Variants in RIMS2 observed in about 807,000 individuals in gnomAD.
The protein encoded by RIMS2 is regulating synaptic membrane exocytosis protein 2.
Under a neutral mutation model 174.4 loss-of-function variants are expected in RIMS2, and 59 were observed. That is an observed-to-expected ratio of 0.34 (90% CI 0.27 to 0.42). The LOEUF (loss-of-function observed/expected upper bound fraction) is 0.42. Ranked by LOEUF, RIMS2 falls within the 10% of genes least tolerant of loss-of-function variation. The probability of loss-of-function intolerance (pLI) is 1.00; values close to 1 mark genes in which losing one functional copy is unlikely to be tolerated. For missense variants in RIMS2, 1,620 were observed against 1,666.3 expected, an observed-to-expected ratio of 0.97 and a Z score of 0.48; for synonymous variants, 606 against 572.5, an observed-to-expected ratio of 1.06 and a Z score of -0.84.
At chr8:103,954,780 C>G (rs796422485) in intron 14 of RIMS2, among the ~76,000 whole-genome samples, 1 of 151,714 alleles carries the variant, frequency 6.6e-6, no homozygotes, top group African/African-American at 2.4e-5. Context: ...GACAGAGACA[C>G]GAAAAAACAT....
intron 1 of RIMS2, among the ~76,000 whole-genome samples, chr8:103,514,220 A>G (rs1397094563): frequency 6.6e-6 from 1 of 152,232 alleles, no homozygotes; most frequent in East Asian, 1.9e-4. Context: ...CAAAGGCTAG[A>G]AAAAGTGTAA....
chr8:104,233,096 A>G (rs948849791), intron 19 of RIMS2, among the ~76,000 whole-genome samples: 2 of 152,188 alleles, frequency 1.3e-5, no homozygotes, highest in African/African-American at 2.4e-5. Flanking sequence ...GGGGAAATCT[A>G]TAGAAGAAAT....
At chr8:104,007,935 G>A (rs1026721401) in intron 17 of RIMS2, among the ~76,000 whole-genome samples, 1 of 152,040 alleles carries the variant, frequency 6.6e-6, no homozygotes, top group African/African-American at 2.4e-5. Context: ...GCATATGAGG[G>A]ATTTGTATTA....
At chr8:103,979,987 C>T (rs2093756508) in intron 16 of RIMS2, among the ~76,000 whole-genome samples, 2 of 152,042 alleles carry the variant, frequency 1.3e-5, no homozygotes, top group Admixed American at 1.3e-4. Flanking sequence ...CTCTGGAGTC[C>T]TAGGTAAACT....
At chr8:103,748,388 G>A (rs1202027009) in intron 2 of RIMS2, among the ~76,000 whole-genome samples, 1 of 151,988 alleles carries the variant, frequency 6.6e-6, no homozygotes, top group Non-Finnish European at 1.5e-5. Context: ...GCGGCTGCAC[G>A]AGCCGTGATC....
At chr8:103,816,941 C>A (rs2154469973) in intron 3 of RIMS2, among the ~76,000 whole-genome samples, 1 of 152,194 alleles carries the variant, frequency 6.6e-6, no homozygotes. Context: ...AGTATAATCA[C>A]CTTCTTACTT....
chr8:104,218,886 A>T (rs2099143122), intron 19 of RIMS2, among the ~76,000 whole-genome samples: 1 of 152,162 alleles, frequency 6.6e-6, no homozygotes, highest in East Asian at 1.9e-4. Context: ...TAGCATAGAA[A>T]AGGGCAGGCT....
intron 3 of RIMS2, among the ~76,000 whole-genome samples, chr8:103,827,926 GA>G (rs1187429409): frequency 6.6e-6 from 1 of 151,528 alleles, no homozygotes; most frequent in Non-Finnish European, 1.5e-5. Context: ...TGCATTTTGT[GA>G]AGTGCTTTTT....
chr8:104,180,361 G>GT (rs796317618), intron 19 of RIMS2, among the ~76,000 whole-genome samples: 2,851 of 139,694 alleles, frequency 0.02, 59 homozygotes, highest in African/African-American at 0.059. Flanking sequence ...TCTTAGTGAG[G>GT]TTTTTTTTTT....
At chr8:103,941,100 G>T (rs1043005168) in intron 13 of RIMS2, among the ~76,000 whole-genome samples, 20 of 152,108 alleles carry the variant, frequency 1.3e-4, no homozygotes, top group African/African-American at 4.8e-4. Context: ...GTTAATATGA[G>T]AATTAAATAA....
chr8:103,529,353 C>T (rs28751033), intron 1 of RIMS2, among the ~76,000 whole-genome samples: 9,109 of 152,240 alleles, frequency 0.06, 913 homozygotes, highest in African/African-American at 0.2. Context: ...AGGCTTGCTG[C>T]CACCTTGCAG....
At chr8:103,556,151 C>T (rs78319484) in intron 1 of RIMS2, among the ~76,000 whole-genome samples, 7,318 of 152,076 alleles carry the variant, frequency 0.048, 585 homozygotes, top group African/African-American at 0.17. Flanking sequence ...TAGTTAATAA[C>T]AGCATATTGT....
chr8:104,193,261 C>G (rs368712775), intron 19 of RIMS2, among the ~76,000 whole-genome samples: 1 of 152,128 alleles, frequency 6.6e-6, no homozygotes, highest in East Asian at 1.9e-4. Context: ...TGATTGAGTA[C>G]TGTGGTTTTC....
chr8:103,658,173 T>C (rs1166020256), intron 1 of RIMS2, among the ~76,000 whole-genome samples: 2 of 152,240 alleles, frequency 1.3e-5, no homozygotes. Context: ...AAGTAACAGC[T>C]ATTAGGTTGG....
intron 1 of RIMS2, among the ~76,000 whole-genome samples, chr8:103,576,055 C>T (rs1382984642): frequency 1.3e-5 from 2 of 152,186 alleles, no homozygotes; most frequent in Non-Finnish European, 2.9e-5. Flanking sequence ...GGACCACTAT[C>T]CTCAGCATGG....
intron 17 of RIMS2, 60 bp downstream of exon 19, chr8:103,989,481 G>T: frequency 2.3e-6 from 2 of 857,270 alleles, no homozygotes; most frequent in Non-Finnish European, 3.7e-6. Flanking sequence ...TTTCAGGAAG[G>T]GGTTACCATA....
intron 1 of RIMS2, among the ~76,000 whole-genome samples, chr8:103,504,748 T>A (rs926522942): frequency 2.6e-5 from 4 of 151,932 alleles, no homozygotes; most frequent in Non-Finnish European, 4.4e-5. Flanking sequence ...CAGTTCTCTA[T>A]TTTTTAAAAT....
intron 1 of RIMS2, among the ~76,000 whole-genome samples, chr8:103,645,102 T>C (rs1214725361): frequency 2.0e-5 from 3 of 152,084 alleles, no homozygotes; most frequent in Non-Finnish European, 2.9e-5. Context: ...TGTGAATGTT[T>C]TGTTCTAAAA....
At chr8:104,174,600 C>G (rs568719764) in intron 19 of RIMS2, among the ~76,000 whole-genome samples, 8 of 152,206 alleles carry the variant, frequency 5.3e-5, no homozygotes, top group African/African-American at 1.7e-4. Flanking sequence ...AAAGCACTTT[C>G]TAGTTTATTA....
Sources: allele counts gnomAD v4.1 joint callset (sites outside exome capture counted in the v4.1 genomes callset), GRCh38; gene constraint gnomAD v4.1.1; transcripts MANE v1.5; gene names NCBI Gene and HGNC (gene_info 2026-07-23, HGNC 2026-07-21).